Variants in ADAMTS9 observed in about 807,000 individuals in gnomAD.
ADAMTS9 encodes the protein ADAM metallopeptidase with thrombospondin type 1 motif 9.
Under a neutral mutation model 257.1 loss-of-function variants are expected in ADAMTS9, and 107 were observed. The observed-to-expected ratio is 0.42, with a 90% CI of 0.36 to 0.49. The LOEUF (loss-of-function observed/expected upper bound fraction) is 0.49. ADAMTS9 is among the 20% of genes least tolerant of loss of function. The pLI is 0.03. For missense variants in ADAMTS9, 2,353 were observed against 2,469.1 expected, an observed-to-expected ratio of 0.95 and a Z score of 1.00; for synonymous variants, 982 against 880.9, an observed-to-expected ratio of 1.11 and a Z score of -2.03.
At chr3:64,553,348 G>A (rs1206512666) in intron 30 of ADAMTS9, among the ~76,000 whole-genome samples, 1 of 151,996 alleles carries the variant, frequency 6.6e-6, no homozygotes, top group Non-Finnish European at 1.5e-5. Flanking sequence ...TAATGTTTTC[G>A]AGGTTCTTCC....
At position 64,686,935 on chromosome 3, in the gene ADAMTS9, A is replaced by G. The variant is rs1486368098; in HGVS notation, c.149T>C (p.Ile50Thr). 1 of 1,614,074 alleles carries G rather than the reference A, an allele frequency of 6.2e-7. No homozygotes were observed. Among genetic ancestry groups the G allele is most frequent in the African/African-American group, 1.3e-5 (1 of 74,940 alleles). Residue 50 changes from isoleucine (I) to threonine (T), a missense_variant, in exon 2 of 40, where the codon ATC (isoleucine) becomes ACC (threonine). Physicochemically the swap from Ile to Thr is moderately conservative, Grantham distance 89 (BLOSUM62 -1). Around this residue, in one of 3 missense-constraint regions of ADAMTS9, gnomAD observed 591 missense variants for 569.6 expected, o/e 1.04. Coordinates refer to ENST00000498707, the MANE Select transcript of ADAMTS9 (RefSeq NM_182920.2). The surrounding 1 kb of genome is among the most constrained non-coding windows in gnomAD (Gnocchi z 4.6). Reference protein sequence around the residue: ...KLLETLSEYEIVSPIRVNALG... With the variant: ...KLLETLSEYETVSPIRVNALG... ...AGCGTTCACTCGGATGGGAGACACGATTTCGTATTCGCTCAGGGTCTCTAA... is the reference window on the plus strand; with the variant it reads ...AGCGTTCACTCGGATGGGAGACACGGTTTCGTATTCGCTCAGGGTCTCTAA...
intron 4 of ADAMTS9, 162 bp from the exon 5 acceptor site, chr3:64,656,037 C>A: frequency 1.9e-6 from 1 of 522,722 alleles, no homozygotes; most frequent in Non-Finnish European, 3.5e-6. Flanking sequence ...TTTGTAAAGT[C>A]TCTTCATAAA....
chr3:64,657,693 A>ATT (rs71102810), intron 4 of ADAMTS9, among the ~76,000 whole-genome samples: 5 of 151,656 alleles, frequency 3.3e-5, no homozygotes, highest in Admixed American at 2.6e-4. Flanking sequence ...AAAATTAGGA[A>ATT]TTTTTTTTAA....
Position 64,687,756 on chromosome 3 carries a change from G to A in ADAMTS9, c.-99C>T. 1.0e-6 allele frequency: 1 copy of A among 954,446 alleles called. No individual in the cohort carries two copies. The highest frequency in any genetic ancestry group is 1.5e-6 in the Non-Finnish European group (1 of 682,828). 59.1% of individuals were successfully genotyped at this position (954,446 alleles called of 1,614,324 possible). ...AGGCAGCGGCCGTGGAGAGCGCGCG[G>A]AGCCCGGCGCCCGCCGCCAACTTTT... On this transcript the variant is annotated 5_prime_UTR_variant, in exon 1 of 40. Coordinates refer to ENST00000498707, the MANE Select transcript of ADAMTS9 (RefSeq NM_182920.2). This position sits in a 1 kb window ranked among gnomAD's most constrained non-coding sequence, Gnocchi z 4.4.
intron 39 of ADAMTS9, among the ~76,000 whole-genome samples, chr3:64,519,652 G>C (rs2082825378): frequency 6.6e-6 from 1 of 152,050 alleles, no homozygotes; most frequent in African/African-American, 2.4e-5. Flanking sequence ...ACATATGCAA[G>C]TCAATAAATG....
intron 18 of ADAMTS9, among the ~76,000 whole-genome samples, chr3:64,621,990 T>G (rs1215775924): frequency 1.3e-5 from 2 of 151,996 alleles, no homozygotes; most frequent in African/African-American, 4.8e-5. Flanking sequence ...AAAAATTTCT[T>G]AGGATGAAGA....
chr3:64,547,243 G>A (rs1028279469), intron 31 of ADAMTS9, among the ~76,000 whole-genome samples: 6 of 152,090 alleles, frequency 3.9e-5, no homozygotes, highest in Admixed American at 6.5e-5. Context: ...GGAGGGGGAG[G>A]TGCTCCAGCT....
intron 30 of ADAMTS9, among the ~76,000 whole-genome samples, chr3:64,553,615 C>T (rs1002461615): frequency 6.6e-6 from 1 of 152,102 alleles, no homozygotes; most frequent in Non-Finnish European, 1.5e-5. Context: ...GTGAGCTACC[C>T]TGTTCCTTTA....
chr3:64,528,150 G>A (rs552033114), intron 38 of ADAMTS9, among the ~76,000 whole-genome samples: 1 of 152,208 alleles, frequency 6.6e-6, no homozygotes. Flanking sequence ...AAGACAAAAA[G>A]CCCCGTAAGC....
chr3:64,523,378 T>A (rs953726961), intron 38 of ADAMTS9, among the ~76,000 whole-genome samples: 2 of 152,096 alleles, frequency 1.3e-5, no homozygotes, highest in Non-Finnish European at 2.9e-5. Flanking sequence ...TTAGACTCTA[T>A]GAAGAGTCTA....
At chr3:64,683,843 A>G (rs1474719506) in intron 2 of ADAMTS9, among the ~76,000 whole-genome samples, 1 of 152,220 alleles carries the variant, frequency 6.6e-6, no homozygotes, top group African/African-American at 2.4e-5. Flanking sequence ...CATGTGTACC[A>G]AGAACCTTGA....
chr3:64,523,896 C>T (rs766303292), intron 38 of ADAMTS9, among the ~76,000 whole-genome samples: 80 of 152,280 alleles, frequency 5.3e-4, no homozygotes, highest in Non-Finnish European at 9.3e-4. Context: ...CTCTCAATCA[C>T]TGTAATTCAA....
chr3:64,542,570 G>A (rs969908862), intron 32 of ADAMTS9, among the ~76,000 whole-genome samples: 1 of 151,876 alleles, frequency 6.6e-6, no homozygotes, highest in East Asian at 1.9e-4. Flanking sequence ...TGGGACTACA[G>A]GCACGCACCA....
intron 26 of ADAMTS9, among the ~76,000 whole-genome samples, 194 bp downstream of exon 26, chr3:64,601,750 T>C (rs2084465823): frequency 6.6e-6 from 1 of 152,122 alleles, no homozygotes; most frequent in Admixed American, 6.5e-5. Context: ...AGACAGCTTA[T>C]AGGTGGACGC....
chr3:64,596,614 C>T (rs2084368967), intron 27 of ADAMTS9, among the ~76,000 whole-genome samples: 1 of 152,054 alleles, frequency 6.6e-6, no homozygotes, highest in Non-Finnish European at 1.5e-5. Context: ...GTATTCTCAC[C>T]TAATTTTCCT....
intron 6 of ADAMTS9, among the ~76,000 whole-genome samples, 169 bp downstream of exon 6, chr3:64,655,407 G>A (rs578240900): frequency 6.6e-6 from 1 of 152,310 alleles, no homozygotes; most frequent in East Asian, 1.9e-4. Context: ...AGAGGCCAGG[G>A]ATGCTGTTAA....
chr3:64,550,844 C>T, intron 31 of ADAMTS9, 48 bp downstream of exon 31: 1 of 1,607,270 alleles, frequency 6.2e-7, no homozygotes, highest in Non-Finnish European at 8.5e-7. Context: ...CTCTGCCACT[C>T]TCAGGCCATG....
At chr3:64,670,559 A>C (rs1405202531) in intron 3 of ADAMTS9, among the ~76,000 whole-genome samples, 1 of 152,230 alleles carries the variant, frequency 6.6e-6, no homozygotes, top group African/African-American at 2.4e-5. Context: ...AAGCATTTGC[A>C]AATTAAGAGA....
At chr3:64,642,495 C>CT (rs1700674168) in intron 11 of ADAMTS9, among the ~76,000 whole-genome samples, 1 of 71,336 alleles carries the variant, frequency 1.4e-5, no homozygotes, top group Admixed American at 2.2e-4. Context: ...TCCAGGAAAG[C>CT]GTCAGGATGA....
Sources: allele counts gnomAD v4.1 joint callset (sites outside exome capture counted in the v4.1 genomes callset), GRCh38; gene constraint gnomAD v4.1.1; regional missense constraint gnomAD v4.1.1; non-coding constraint Gnocchi (gnomAD v3.1); transcripts MANE v1.5; gene names NCBI Gene and HGNC (gene_info 2026-07-23, HGNC 2026-07-21).